The following TM4SF19 variants were observed in gnomAD, a reference collection of about 807,000 sequenced individuals.
TM4SF19 encodes the protein transmembrane 4 L six family member 19.
In TM4SF19, 17 loss-of-function variants were observed where a neutral mutation model predicts 21.8. That is an observed-to-expected ratio of 0.78 (90% CI 0.53 to 1.17). TM4SF19 has a LOEUF of 1.17. Among genes scored for constraint, TM4SF19 ranks in the 50% most tolerant of loss-of-function variants. The pLI is 0.00. For missense variants in TM4SF19, 216 were observed against 252.1 expected (o/e 0.86, Z 0.97); for synonymous variants, 107 against 106.7 (o/e 1.00, Z -0.02).
At chr3:196,338,098 G>A (rs758510699) in intron 1 of TM4SF19, among the ~76,000 whole-genome samples, 166 bp downstream of exon 1, 12 of 152,206 alleles carry the variant, frequency 7.9e-5, no homozygotes, top group Non-Finnish European at 1.2e-4. Flanking sequence ...TAGGTGCAAA[G>A]GCCAGAAGTT....
At chr3:196,336,429 C>T (rs1727765376) in intron 1 of TM4SF19, among the ~76,000 whole-genome samples, 1 of 152,146 alleles carries the variant, frequency 6.6e-6, no homozygotes, top group Admixed American at 6.5e-5. Flanking sequence ...TGAGCCACAG[C>T]GCCCAGCCCA....
intron 1 of TM4SF19, 88 bp from the exon 2 acceptor site, chr3:196,327,679 CA>C (rs1727356296): frequency 2.6e-6 from 3 of 1,158,692 alleles, no homozygotes; most frequent in Middle Eastern, 5.6e-4. Context: ...GTGAGGGAAA[CA>C]GACTACAGAA....
intron 3 of TM4SF19, chr3:196,324,832 C>T (rs1393562408): frequency 6.1e-6 from 1 of 164,690 alleles, no homozygotes; most frequent in Non-Finnish European, 1.3e-5. Context: ...ACCACTGACT[C>T]TTCTAAGGAA....
intron 1 of TM4SF19, among the ~76,000 whole-genome samples, chr3:196,337,733 C>T (rs191013108): frequency 3.9e-5 from 6 of 152,300 alleles, no homozygotes; most frequent in African/African-American, 9.6e-5. Flanking sequence ...TCAAGTCACG[C>T]ACTTGGCCCT....
Position 196,327,045 on chromosome 3 carries a change from G to T in TM4SF19, c.202-13C>A, listed in dbSNP as rs746513537. ...CTGCAGTGAGTACCTGCAGGAGAGA[G>T]AAGAATGTTGAGATGGGGAAATCGA... On this transcript the variant is annotated splice_polypyrimidine_tract_variant and intron_variant, in intron 2 of 4. Transcript: ENST00000273695. 29 of 1,595,026 alleles carry T rather than the reference G, an allele frequency of 1.8e-5. No homozygotes were observed. The highest frequency in any genetic ancestry group is 2.4e-5 in the Non-Finnish European group (28 of 1,163,756).
chr3:196,334,850 A>G (rs1429529266), intron 1 of TM4SF19, among the ~76,000 whole-genome samples: 2 of 62,858 alleles, frequency 3.2e-5, no homozygotes, highest in Non-Finnish European at 5.9e-5. Context: ...GGGGGTTAGG[A>G]GAAGGGAGGG....
chr3:196,333,450 G>C (rs773166936), intron 1 of TM4SF19, among the ~76,000 whole-genome samples: 8 of 152,206 alleles, frequency 5.3e-5, no homozygotes, highest in Non-Finnish European at 8.8e-5. Flanking sequence ...TTATGTGAAT[G>C]TGGTCTTTCT....
intron 1 of TM4SF19, among the ~76,000 whole-genome samples, chr3:196,334,441 C>T (rs932851449): frequency 6.6e-6 from 1 of 151,378 alleles, no homozygotes; most frequent in African/African-American, 2.4e-5. Context: ...GAAACAGACC[C>T]GGTCCAGGAT....
At chr3:196,326,389 AGTGT>A (rs10604679) in intron 3 of TM4SF19, among the ~76,000 whole-genome samples, 4,607 of 150,344 alleles carry the variant, frequency 0.031, 230 homozygotes, top group African/African-American at 0.1. Context: ...TCTGAGAACG[AGTGT>A]GTGTGTGTGT....
intron 1 of TM4SF19, among the ~76,000 whole-genome samples, chr3:196,334,177 C>T (rs1727630308): frequency 1.3e-5 from 2 of 152,150 alleles, no homozygotes; most frequent in African/African-American, 4.8e-5. Flanking sequence ...TACGTCATTA[C>T]CCATCACATC....
At chr3:196,336,099 A>T (rs1358163782) in intron 1 of TM4SF19, among the ~76,000 whole-genome samples, 1 of 151,744 alleles carries the variant, frequency 6.6e-6, no homozygotes, top group Non-Finnish European at 1.5e-5. Context: ...AAACGTTCCC[A>T]TCAGAAAAGT....
chr3:196,337,388 T>C (rs1318689978), intron 1 of TM4SF19, among the ~76,000 whole-genome samples: 1 of 152,126 alleles, frequency 6.6e-6, no homozygotes, highest in African/African-American at 2.4e-5. Context: ...CAGGCGGTTG[T>C]TACACTGTCT....
chr3:196,328,632 C>T (rs1295485092), intron 1 of TM4SF19, among the ~76,000 whole-genome samples: 3 of 152,076 alleles, frequency 2.0e-5, no homozygotes, highest in African/African-American at 7.2e-5. Flanking sequence ...GTTCCTGAAC[C>T]AGAAGACTCA....
chr3:196,326,257 G>A (rs1348190326), intron 3 of TM4SF19, among the ~76,000 whole-genome samples: 3 of 152,184 alleles, frequency 2.0e-5, no homozygotes, highest in Admixed American at 6.5e-5. Context: ...TTACAGGCGT[G>A]AGCCACCGCG....
At chr3:196,332,324 G>A (rs1727548254) in intron 1 of TM4SF19, among the ~76,000 whole-genome samples, 1 of 150,630 alleles carries the variant, frequency 6.6e-6, no homozygotes, top group African/African-American at 2.4e-5. Flanking sequence ...TGAGGCAGGA[G>A]AATCGCTTGA....
At chr3:196,332,561 C>A (rs1727561380) in intron 1 of TM4SF19, among the ~76,000 whole-genome samples, 1 of 151,524 alleles carries the variant, frequency 6.6e-6, no homozygotes, top group Non-Finnish European at 1.5e-5. Flanking sequence ...TGCACACACA[C>A]ATATATATCA....
At position 196,325,411 on chromosome 3, in the gene TM4SF19, A is replaced by C. The variant is rs1187440706; in HGVS notation, c.280-971T>G. ...GAAATGGGGTTTCACTGTGTTGGTC[A>C]TGCCGGTCTCAATCTCCTGACCTTG... is the stretch of plus-strand genomic sequence containing the variant. On this transcript the variant is annotated intron_variant, in intron 3 of 4. Transcript: ENST00000273695. This position sits in a 1 kb window ranked among gnomAD's most constrained non-coding sequence, Gnocchi z 4.3. 1 of 152,206 alleles carries C rather than the reference A, an allele frequency of 6.6e-6. No individual in the cohort carries two copies. Among genetic ancestry groups the C allele is most frequent in the Admixed American group, 6.6e-5 (1 of 15,248 alleles). 9.4% of individuals were successfully genotyped at this position (152,206 alleles called of 1,614,324 possible).
Position 196,323,793 on chromosome 3 carries a change from G to GC in TM4SF19, c.*23dup. On this transcript the variant is annotated 3_prime_UTR_variant, in exon 5 of 5. Transcript: ENST00000273695. ...GACAGCCGATGATGAAAACACCCAT[G>GC]CTTGCAAGTGAAGGTTCTGCCTGTC... The GC allele has an allele frequency of 6.2e-7, 1 of 1,614,144 alleles. No homozygotes were observed. Among genetic ancestry groups the GC allele is most frequent in the African/African-American group, 1.3e-5 (1 of 75,046 alleles).
At chr3:196,334,653 C>T (rs1342121629) in intron 1 of TM4SF19, among the ~76,000 whole-genome samples, 2 of 151,988 alleles carry the variant, frequency 1.3e-5, no homozygotes, top group African/African-American at 4.8e-5. Flanking sequence ...AGGGTTTCAC[C>T]ATGTTGGCCA....
Sources: allele counts gnomAD v4.1 joint callset (sites outside exome capture counted in the v4.1 genomes callset), GRCh38; gene constraint gnomAD v4.1.1; non-coding constraint Gnocchi (gnomAD v3.1); transcripts MANE v1.5; gene names NCBI Gene and HGNC (gene_info 2026-07-23, HGNC 2026-07-21).